GRIP1: variants seen among roughly 807,000 people sequenced by gnomAD.
The protein encoded by GRIP1 is glutamate receptor interacting protein 1, also known as glutamate receptor-interacting protein 1.
GRIP1 carries 45 observed loss-of-function variants against 129.9 expected under a neutral mutation model. The observed-to-expected ratio is 0.35, with a 90% CI of 0.27 to 0.44. The LOEUF (loss-of-function observed/expected upper bound fraction) is 0.44. Ranked by LOEUF, GRIP1 falls within the 20% of genes least tolerant of loss-of-function variation. GRIP1 has a pLI of 1.00. For synonymous variants in GRIP1, 530 were observed against 520.8 expected, an observed-to-expected ratio of 1.02 and a Z score of -0.24; for missense variants, 1,196 against 1,396.8, an observed-to-expected ratio of 0.86 and a Z score of 2.29.
chr12:66,802,228 T>C (rs747113492), intron 1 of GRIP1, among the ~76,000 whole-genome samples: 1 of 152,166 alleles, frequency 6.6e-6, no homozygotes, highest in Non-Finnish European at 1.5e-5. Context: ...TATTATGTAG[T>C]AGTTTCAAGT....
chr12:66,919,525 C>A (rs1033489752), intron 1 of GRIP1, among the ~76,000 whole-genome samples: 2 of 152,192 alleles, frequency 1.3e-5, no homozygotes, highest in Non-Finnish European at 2.9e-5. Context: ...TACACGGGGA[C>A]TGGTTTGCAT....
chr12:66,569,070 T>C lies in GRIP1; in HGVS notation c.137-27120A>G, dbSNP rs77336011. On this transcript the variant is annotated intron_variant, in intron 2 of 24. Coordinates refer to ENST00000359742, the MANE Select transcript of GRIP1 (RefSeq NM_001366722.1). ...TCAACACAGTGCAGTGTTTCATTGA[T>C]TCCACCATGCTATTTGCTTCTCTTT... The C allele has an allele frequency of 3.2e-3, 794 of 251,190 alleles. 7 individuals are homozygous for C. Among genetic ancestry groups the C allele is most frequent in the African/African-American group, 0.017 (755 of 43,316 alleles). 15.6% of individuals were successfully genotyped at this position (251,190 alleles called of 1,614,324 possible).
At chr12:66,363,593 T>C (rs956395807) in intron 23 of GRIP1, among the ~76,000 whole-genome samples, 1 of 151,968 alleles carries the variant, frequency 6.6e-6, no homozygotes, top group African/African-American at 2.4e-5. Flanking sequence ...CCTGTTATCA[T>C]TCCTTGCTAA....
intron 1 of GRIP1, among the ~76,000 whole-genome samples, chr12:66,696,160 A>G (rs2035149183): frequency 1.3e-5 from 2 of 152,176 alleles, no homozygotes; most frequent in African/African-American, 4.8e-5. Flanking sequence ...ACAACTCATA[A>G]CACTTACCAG....
At chr12:66,456,404 A>G in intron 9 of GRIP1, 62 bp from the exon 10 acceptor site, 1 of 920,112 alleles carries the variant, frequency 1.1e-6, no homozygotes, top group Admixed American at 2.6e-5. Context: ...AGAACCAAAA[A>G]AGAGGAAAAA....
chr12:66,819,180 C>A (rs1037597659), intron 1 of GRIP1, among the ~76,000 whole-genome samples: 1 of 152,120 alleles, frequency 6.6e-6, no homozygotes, highest in African/African-American at 2.4e-5. Context: ...AATATCCAAA[C>A]CGATGTATAT....
At chr12:66,498,830 TTGATAAG>T in intron 7 of GRIP1, among the ~76,000 whole-genome samples, 1 of 152,264 alleles carries the variant, frequency 6.6e-6, no homozygotes, top group East Asian at 1.9e-4. Context: ...ACCTATACCA[TTGATAAG>T]TGATAAGAGG....
intron 1 of GRIP1, among the ~76,000 whole-genome samples, chr12:66,920,059 T>C (rs1164649792): frequency 2.6e-5 from 4 of 152,238 alleles, no homozygotes; most frequent in Non-Finnish European, 5.9e-5. Context: ...AGAAAATGTA[T>C]GTAAAGAATA....
intron 1 of GRIP1, among the ~76,000 whole-genome samples, chr12:66,879,179 G>A (rs1410931690): frequency 6.6e-6 from 1 of 151,788 alleles, no homozygotes; most frequent in Non-Finnish European, 1.5e-5. Flanking sequence ...TTACTATCTT[G>A]TTATTTTTGT....
chr12:66,988,072 A>G (rs960130283), intron 1 of GRIP1, among the ~76,000 whole-genome samples: 1 of 152,236 alleles, frequency 6.6e-6, no homozygotes, highest in Non-Finnish European at 1.5e-5. Flanking sequence ...AAGTGACAAA[A>G]GAAACAATAA....
chr12:66,983,902 C>CT (rs2042273242), intron 1 of GRIP1, among the ~76,000 whole-genome samples: 1 of 152,128 alleles, frequency 6.6e-6, no homozygotes, highest in African/African-American at 2.4e-5. Context: ...TCAAATCTGA[C>CT]TCCAGGCAGG....
chr12:66,780,130 A>C (rs2136779720), intron 1 of GRIP1, among the ~76,000 whole-genome samples: 1 of 152,288 alleles, frequency 6.6e-6, no homozygotes, highest in South Asian at 2.1e-4. Context: ...AGTTGGTCAA[A>C]ACCCTAAGGA....
chr12:66,543,806 T>C (rs1416402684), intron 2 of GRIP1, among the ~76,000 whole-genome samples: 2 of 152,344 alleles, frequency 1.3e-5, no homozygotes, highest in Non-Finnish European at 2.9e-5. Flanking sequence ...GTATCCTATA[T>C]ATTTAGACAT....
rs991030604 is a variant in GRIP1 at position 67,059,097 on chromosome 12, A to G, written c.58+9953T>C. Reference sequence around the variant, plus strand: ...CATGCCACATTCAACATGGCATTGGACCATAGAGTGGTAATATCTGCAGAA... The same window carrying G: ...CATGCCACATTCAACATGGCATTGGGCCATAGAGTGGTAATATCTGCAGAA... On this transcript the variant is annotated intron_variant, in intron 1 of 1. Coordinates refer to the GRIP1 transcript ENST00000643019. 2.6e-5 allele frequency among the ~76,000 whole-genome samples: 4 copies of G among 152,230 alleles called. No homozygotes were observed. The East Asian group carries it at 7.7e-4, about 29-fold the overall frequency.
intron 5 of GRIP1, among the ~76,000 whole-genome samples, chr12:66,526,549 A>C (rs2139053651): frequency 1.3e-5 from 2 of 151,812 alleles, no homozygotes; most frequent in African/African-American, 4.8e-5. Context: ...TAAAGACTTA[A>C]ATGTTAGACC....
At chr12:66,686,237 C>A (rs951455839) in intron 1 of GRIP1, among the ~76,000 whole-genome samples, 6 of 152,114 alleles carry the variant, frequency 3.9e-5, no homozygotes, top group Non-Finnish European at 8.8e-5. Flanking sequence ...TCATAAGGAC[C>A]CTGTTGTTCA....
At chr12:66,474,322 A>G (rs914710975) in intron 7 of GRIP1, among the ~76,000 whole-genome samples, 1 of 152,122 alleles carries the variant, frequency 6.6e-6, no homozygotes, top group African/African-American at 2.4e-5. Flanking sequence ...GAAATATGGG[A>G]CTATGTGAAA....
intron 5 of GRIP1, among the ~76,000 whole-genome samples, chr12:66,526,374 G>T (rs1329500310): frequency 6.6e-6 from 1 of 152,146 alleles, no homozygotes; most frequent in African/African-American, 2.4e-5. Flanking sequence ...AAATAATGCT[G>T]CATGTCTACA....
intron 1 of GRIP1, among the ~76,000 whole-genome samples, chr12:66,707,955 G>T (rs750144644): frequency 5.9e-5 from 9 of 152,026 alleles, no homozygotes; most frequent in Non-Finnish European, 1.0e-4. Flanking sequence ...AGTACTGAAT[G>T]TTAGTCAAAG....
Sources: allele counts gnomAD v4.1 joint callset (sites outside exome capture counted in the v4.1 genomes callset), GRCh38; gene constraint gnomAD v4.1.1; transcripts MANE v1.5; gene names NCBI Gene and HGNC (gene_info 2026-07-23, HGNC 2026-07-21).